Variants in IWS1 observed in about 807,000 individuals in gnomAD.
The protein encoded by IWS1 is protein IWS1 homolog.
A neutral mutation model predicts 86.7 loss-of-function variants in IWS1; 27 were observed. The ratio of observed to expected loss-of-function variants is 0.31; its 90% CI spans 0.23 to 0.43. The LOEUF (loss-of-function observed/expected upper bound fraction) is 0.43, where lower values mean the gene tolerates loss of function less well. Ranked by LOEUF, IWS1 falls within the 20% of genes least tolerant of loss-of-function variation. The probability of loss-of-function intolerance (pLI) is 1.00; values close to 1 mark genes in which losing one functional copy is unlikely to be tolerated. For missense variants in IWS1, 827 were observed against 1,000.8 expected, an observed-to-expected ratio of 0.83 and a Z score of 2.34; for synonymous variants, 313 against 335.1, an observed-to-expected ratio of 0.93 and a Z score of 0.72.
In IWS1 at chr2:127,503,428, C is replaced by T; in HGVS notation, c.1368G>A (p.Lys456=). 6.2e-7 allele frequency: 1 copy of T among 1,613,252 alleles called. No homozygotes were observed. The highest frequency in any genetic ancestry group is 2.2e-5 in the East Asian group (1 of 44,860). The change falls in exon 4 of 14, where the codon AAG becomes AAA. Residue 456 remains lysine, a synonymous_variant. Coordinates refer to ENST00000295321, the MANE Select transcript of IWS1 (RefSeq NM_017969.3). ...KELSDKKNEE[K]DLFGSDSESG... is the part of the protein sequence containing the mutation. Reference sequence around the variant, plus strand: ...ACTCACTGTCACTCCCAAACAGATCCTTCTCTTCATTTTTCTTATCAGACA... The same window carrying T: ...ACTCACTGTCACTCCCAAACAGATCTTTCTCTTCATTTTTCTTATCAGACA...
chr2:127,526,387 A>G lies in IWS1; in HGVS notation c.-179T>C. 2 of 1,536,184 alleles carry G rather than the reference A, an allele frequency of 1.3e-6. No individual in the cohort carries two copies. Among genetic ancestry groups the G allele is most frequent in the Non-Finnish European group, 1.7e-6 (2 of 1,146,170 alleles). ...GGCAAAGGCGAATTCTTTGACCTGG[A>G]AGCCCCGGCGGAAAAGGCCGTACCC... On this transcript the variant is annotated 5_prime_UTR_variant, in exon 1 of 14. Transcript: ENST00000295321.
chr2:127,523,590 C>T (rs1573575765), intron 2 of IWS1, 86 bp downstream of exon 2: 2 of 865,106 alleles, frequency 2.3e-6, no homozygotes, highest in African/African-American at 1.8e-5. Flanking sequence ...TAAACTCTGT[C>T]ACAGAGATTC....
intron 9 of IWS1, 88 bp downstream of exon 9, chr2:127,493,189 AACAT>A: frequency 1.8e-6 from 2 of 1,139,920 alleles, no homozygotes. Context: ...TAGCAGAGAT[AACAT>A]ATAAAAACAC....
chr2:127,484,358 A>G (rs1463144450), intron 13 of IWS1: 2 of 152,240 alleles, frequency 1.3e-5, no homozygotes, highest in Non-Finnish European at 2.9e-5. Context: ...TTTATTTTTT[A>G]TATTTATTTA....
In IWS1 at chr2:127,505,081, A is replaced by C. The variant is rs1440644199; in HGVS notation, c.822T>G (p.Ser274Arg). The C allele has an allele frequency of 2.5e-6, 4 of 1,611,992 alleles. No homozygotes were observed. The highest frequency in any genetic ancestry group is 3.4e-6 in the Non-Finnish European group (4 of 1,179,492). ...ENEELPKPRI[S>R]DSESEDPPRN... ...TTGGGGGATCCTCACTTTCCGAATC[A>C]CTGATTCGGGGTTTGGGAAGCTCTT... The change falls in exon 3 of 14, where the codon AGT (serine) becomes AGG (arginine). Residue 274 changes from serine to arginine, a missense_variant. By Grantham distance (110) the Ser-to-Arg change is moderately radical (BLOSUM62 -1). Coordinates refer to ENST00000295321, the MANE Select transcript of IWS1 (RefSeq NM_017969.3). The surrounding 1 kb of genome is among the most constrained non-coding windows in gnomAD (Gnocchi z 5.0).
At position 127,503,576 on chromosome 2, in the gene IWS1, G is replaced by A. The variant is rs1326446247; in HGVS notation, c.1220C>T (p.Ser407Leu). Residue 407 changes from serine to leucine, a missense_variant and splice_region_variant, in exon 4 of 14, where the codon TCA (serine) becomes TTA (leucine). By Grantham distance (145) the Ser-to-Leu change is moderately radical. Coordinates refer to ENST00000295321, the MANE Select transcript of IWS1 (RefSeq NM_017969.3). ...AGAGACAACACGACTCTTCTTTGCT[G>A]CTGTTGAAAAAGAAAATCATCATTA... ...LSDSEDEEKA[S>L]AKKSRVVSDA... is the part of the protein sequence containing the mutation. 2 of 1,558,140 alleles carry A rather than the reference G, an allele frequency of 1.3e-6. No homozygotes were observed. Among genetic ancestry groups the A allele is most frequent in the Non-Finnish European group, 1.7e-6 (2 of 1,150,620 alleles).
At chr2:127,514,479 T>G (rs936834680) in intron 2 of IWS1, 2 of 153,740 alleles carry the variant, frequency 1.3e-5, no homozygotes, top group African/African-American at 4.8e-5. Flanking sequence ...CTGTAGTGCT[T>G]CTTGAGAGCC....
rs1039803907 is a variant in IWS1, at chr2:127,501,807, GC to G, written c.1467+1007del. ...GGGCTCCAGCTACCCCCAAGCCTCA[GC>G]CCCCCGAGTAACTGGGACTACCAGC... On this transcript the variant is annotated intron_variant, in intron 5 of 13. Transcript: ENST00000295321. 2.8e-5 allele frequency: 4 copies of G among 144,686 alleles called. No homozygotes were observed. In the Admixed American group the frequency reaches 2.9e-4, roughly 11 times the overall value. The allele number at this position is 144,686 out of a possible 1,614,324, so 9.0% of individuals were successfully genotyped here. A position where few individuals can be genotyped will look rare whatever the true frequency, so the allele number is the denominator to read the frequency against.
rs532397817 is a variant in IWS1, at chr2:127,523,688, T to C, written c.138A>G (p.Glu46=). 6.2e-7 allele frequency: 1 copy of C among 1,611,066 alleles called. No homozygotes were observed. Among genetic ancestry groups the C allele is most frequent in the Admixed American group, 1.7e-5 (1 of 59,548 alleles). The part of the protein sequence containing the change: ...QHSGSDTGSV[E]RHSENETSDR... ...GGTTAGCCAATACCTCTGAATGACG[T>C]TCTACACTTCCAGTGTCTGATCCGG... Residue 46 remains glutamate, a synonymous_variant, in exon 2 of 14, where the codon GAA becomes GAG. Transcript: ENST00000295321.
intron 12 of IWS1, chr2:127,488,184 T>C (rs1690036046): frequency 6.6e-6 from 1 of 152,488 alleles, no homozygotes; most frequent in Non-Finnish European, 1.5e-5. Flanking sequence ...TGCCTGGCTA[T>C]GCCCCCTTTC....
rs201682343 is a variant in IWS1 at position 127,499,109 on chromosome 2, G to A, written c.1468-872C>T. On this transcript the variant is annotated intron_variant, in intron 5 of 13. Transcript: ENST00000295321. The surrounding 1 kb of genome is among the most constrained non-coding windows in gnomAD (Gnocchi z 4.0). ...TTTTTCTTTTTCTTTTTTTTTTTTT[G>A]AGACGGAGTCTCACTGTGTCGCCCA... 1.9e-5 allele frequency among the ~76,000 whole-genome samples: 1 copy of A among 52,660 alleles called. No individual in the cohort carries two copies. Among genetic ancestry groups the A allele is most frequent in the African/African-American group, 7.7e-5 (1 of 12,962 alleles). 34.5% of individuals were successfully genotyped at this position (52,660 alleles called of 152,430 possible). A position where few individuals can be genotyped will look rare whatever the true frequency, so the allele number is the denominator to read the frequency against.
chr2:127,490,208 A>G (rs1242404713), intron 10 of IWS1, among the ~76,000 whole-genome samples: 2 of 152,238 alleles, frequency 1.3e-5, no homozygotes, highest in Non-Finnish European at 2.9e-5. Flanking sequence ...ATAGTCAACA[A>G]TTAGCTGGAT....
At chr2:127,526,719 G>A, upstream of IWS1, 1 of 1,296,470 alleles carries the variant, frequency 7.7e-7, no homozygotes, top group Non-Finnish European at 1.0e-6. Context: ...CTGTGTCCGT[G>A]CCTTGTTTGA....
At chr2:127,525,826 C>T (rs1371106676) in intron 1 of IWS1, among the ~76,000 whole-genome samples, 3 of 152,232 alleles carry the variant, frequency 2.0e-5, no homozygotes, top group Non-Finnish European at 4.4e-5. Flanking sequence ...GAAGGATCCC[C>T]CGCCCCAACG....
At chr2:127,490,395 TAC>T (rs1558742751) in intron 10 of IWS1, among the ~76,000 whole-genome samples, 1 of 152,190 alleles carries the variant, frequency 6.6e-6, no homozygotes, top group Non-Finnish European at 1.5e-5. Context: ...CTTTAAAAAT[TAC>T]AGTTTAATAG....
intron 13 of IWS1, among the ~76,000 whole-genome samples, chr2:127,483,263 A>G (rs1325591230): frequency 6.6e-6 from 1 of 152,184 alleles, no homozygotes; most frequent in African/African-American, 2.4e-5. Context: ...AAAAAATACA[A>G]TGTAGCACAG....
chr2:127,505,750 A>C lies in IWS1; in HGVS notation c.153T>G (p.Asn51Lys). Residue 51 changes from asparagine (N) to lysine (K), a missense_variant and splice_region_variant, in exon 3 of 14, where the codon AAT (asparagine) becomes AAG (lysine). By Grantham distance (94) the Asn-to-Lys change is moderately conservative (BLOSUM62 0). Coordinates refer to ENST00000295321, the MANE Select transcript of IWS1 (RefSeq NM_017969.3). The surrounding 1 kb of genome is among the most constrained non-coding windows in gnomAD (Gnocchi z 5.0). ...DTGSVERHSE[N>K]ETSDREDGLP... Reference sequence around the variant, plus strand: ...GGCCATCTTCTCGATCACTAGTTTCATTCTGAAAAATAAAGTGAGAAAAAA... The same window carrying C: ...GGCCATCTTCTCGATCACTAGTTTCCTTCTGAAAAATAAAGTGAGAAAAAA... 6.6e-7 allele frequency: 1 copy of C among 1,504,210 alleles called. No homozygotes were observed. Among genetic ancestry groups the C allele is most frequent in the African/African-American group, 1.4e-5 (1 of 71,152 alleles). 93.2% of individuals were successfully genotyped at this position (1,504,210 alleles called of 1,614,324 possible).
Position 127,505,746 on chromosome 2 carries a change from T to C in IWS1, c.157A>G (p.Thr53Ala). 6.6e-7 allele frequency: 1 copy of C among 1,521,082 alleles called. No homozygotes were observed. The highest frequency in any genetic ancestry group is 1.3e-5 in the South Asian group (1 of 77,724). The allele number at this position is 1,521,082 out of a possible 1,614,324, so 94.2% of individuals were successfully genotyped here. A position where few individuals can be genotyped will look rare whatever the true frequency, so the allele number is the denominator to read the frequency against. ...GSVERHSENE[T>A]SDREDGLPKG... ...GGGAGGCCATCTTCTCGATCACTAG[T>C]TTCATTCTGAAAAATAAAGTGAGAA... The change falls in exon 3 of 14, where the codon ACT becomes GCT. Residue 53 changes from threonine to alanine, a missense_variant. This residue lies in a region of IWS1 where 548 missense variants were observed against 560.2 expected (regional missense o/e 0.98). Coordinates refer to ENST00000295321, the MANE Select transcript of IWS1 (RefSeq NM_017969.3). This position sits in a 1 kb window ranked among gnomAD's most constrained non-coding sequence, Gnocchi z 5.0.
At chr2:127,523,832 T>C in intron 1 of IWS1, 41 bp from the exon 2 acceptor site, 3 of 1,329,934 alleles carry the variant, frequency 2.3e-6, no homozygotes, top group Non-Finnish European at 3.2e-6. Context: ...TGGTGTAAGA[T>C]GAATGACATC....
Sources: gnomAD v4.1 joint callset for allele counts (sites outside exome capture counted in the v4.1 genomes callset) on GRCh38, gnomAD v4.1.1 for gene constraint, gnomAD v4.1.1 regional missense constraint, Gnocchi (gnomAD v3.1) non-coding constraint, MANE v1.5 for transcripts, NCBI Gene and HGNC (gene_info 2026-07-23, HGNC 2026-07-21) for gene names.